The following PTPRD variants were observed in gnomAD, a reference collection of about 807,000 sequenced individuals.
PTPRD encodes receptor-type tyrosine-protein phosphatase delta.
In PTPRD, 34 loss-of-function variants were observed where a neutral mutation model predicts 214.5. That is an observed-to-expected ratio of 0.16 (90% CI 0.12 to 0.21). The LOEUF (loss-of-function observed/expected upper bound fraction) is 0.21, where lower values mean the gene tolerates loss of function less well. PTPRD is among the 10% of genes least tolerant of loss of function. PTPRD has a pLI of 1.00. For missense variants in PTPRD, 2,545 were observed against 2,398.7 expected, an observed-to-expected ratio of 1.06 and a Z score of -1.27; for synonymous variants, 1,128 against 845.7, an observed-to-expected ratio of 1.33 and a Z score of -5.79.
chr9:10,605,362 G>A (rs1428876285), intron 2 of PTPRD, among the ~76,000 whole-genome samples: 1 of 151,908 alleles, frequency 6.6e-6, no homozygotes, highest in African/African-American at 2.4e-5. Flanking sequence ...ACTGTAAACT[G>A]CTGCAGTGGT....
chr9:9,701,444 G>T (rs2097500360), intron 7 of PTPRD, among the ~76,000 whole-genome samples: 1 of 152,186 alleles, frequency 6.6e-6, no homozygotes, highest in South Asian at 2.1e-4. Context: ...GAGATTGTAG[G>T]TAACTCCCAG....
chr9:9,001,825 C>T (rs2099420057), intron 11 of PTPRD, among the ~76,000 whole-genome samples: 1 of 151,960 alleles, frequency 6.6e-6, no homozygotes. Flanking sequence ...CAGCTCATGC[C>T]ATCCTAAATA....
In PTPRD at chr9:8,863,678, T is replaced by A. The variant is rs552547435; in HGVS notation, c.-103-129732A>T. Among the ~76,000 whole-genome samples the A allele has an allele frequency of 9.8e-5, 15 of 152,290 alleles. No homozygotes were observed. The South Asian group carries it at 3.1e-3, about 32-fold the overall frequency. The stretch of plus-strand genomic sequence containing the variant: ...CTATCTTTACATTTTGCAGCATTTT[T>A]AAAAAATAAAACTATTGCTAACATA... On this transcript the variant is annotated intron_variant, in intron 11 of 45. Transcript: ENST00000381196.
At chr9:9,608,821 C>T (rs1370219367) in intron 7 of PTPRD, among the ~76,000 whole-genome samples, 4 of 152,122 alleles carry the variant, frequency 2.6e-5, no homozygotes, top group African/African-American at 4.8e-5. Flanking sequence ...ATTCCTTGGT[C>T]GATTATTCTG....
chr9:10,281,878 T>C (rs575392578), intron 3 of PTPRD, among the ~76,000 whole-genome samples: 3 of 152,160 alleles, frequency 2.0e-5, no homozygotes, highest in Non-Finnish European at 4.4e-5. Flanking sequence ...CTATTGCATT[T>C]ATCATGTAAT....
chr9:10,269,946 A>C (rs1429216865), intron 3 of PTPRD, among the ~76,000 whole-genome samples: 1 of 152,164 alleles, frequency 6.6e-6, no homozygotes, highest in Non-Finnish European at 1.5e-5. Flanking sequence ...GACAGAAATT[A>C]TAAGATTCAA....
At chr9:8,404,900 A>T (rs1357522620) in intron 35 of PTPRD, among the ~76,000 whole-genome samples, 1 of 152,154 alleles carries the variant, frequency 6.6e-6, no homozygotes, top group Non-Finnish European at 1.5e-5. Context: ...ATCAATACAG[A>T]TGTTCTGTTA....
In PTPRD at chr9:8,909,518, T is replaced by G. The variant is rs909337416; in HGVS notation, c.-104+109179A>C. Among the ~76,000 whole-genome samples the G allele has an allele frequency of 2.0e-5, 3 of 152,242 alleles. No homozygotes were observed. The South Asian group carries it at 6.2e-4, about 32-fold the overall frequency. On this transcript the variant is annotated intron_variant, in intron 11 of 45. Coordinates refer to ENST00000381196, the MANE Select transcript of PTPRD (RefSeq NM_002839.4). ...AAAGCCATATGATCATTTCAATAAG[T>G]ATGAAAGAAGTTTTGACAAATCAAA...
intron 2 of PTPRD, among the ~76,000 whole-genome samples, chr9:10,413,333 A>C (rs1268294992): frequency 6.6e-6 from 1 of 151,898 alleles, no homozygotes; most frequent in Non-Finnish European, 1.5e-5. Context: ...GTTGAAAGTC[A>C]AATCCGGAAT....
intron 3 of PTPRD, among the ~76,000 whole-genome samples, chr9:10,038,033 C>G (rs2097220071): frequency 6.6e-6 from 1 of 152,078 alleles, no homozygotes; most frequent in South Asian, 2.1e-4. Flanking sequence ...GCCAATGACC[C>G]TCATATTTAT....
intron 3 of PTPRD, among the ~76,000 whole-genome samples, chr9:10,172,725 A>G (rs2099217876): frequency 6.6e-6 from 1 of 152,222 alleles, no homozygotes; most frequent in African/African-American, 2.4e-5. Context: ...ACAGAGAGCA[A>G]TTGTGTTTTG....
intron 3 of PTPRD, among the ~76,000 whole-genome samples, chr9:10,109,176 A>G (rs190398423): frequency 8.4e-4 from 128 of 152,296 alleles, no homozygotes; most frequent in African/African-American, 3.0e-3. Context: ...GGTTTTCTAC[A>G]AGCAAGTTCT....
chr9:10,134,521 T>C (rs1241365091), intron 3 of PTPRD, among the ~76,000 whole-genome samples: 1 of 152,168 alleles, frequency 6.6e-6, no homozygotes, highest in Non-Finnish European at 1.5e-5. Context: ...AGTTGCAGCC[T>C]GATTTACACC....
chr9:9,953,325 A>G (rs111991422), intron 4 of PTPRD, among the ~76,000 whole-genome samples: 95 of 152,294 alleles, frequency 6.2e-4, no homozygotes, highest in Middle Eastern at 3.4e-3. Context: ...TCACCTGAGC[A>G]AAAGGGATAA....
At chr9:10,570,027 A>C (rs1420514319) in intron 2 of PTPRD, among the ~76,000 whole-genome samples, 1 of 152,106 alleles carries the variant, frequency 6.6e-6, no homozygotes, top group Non-Finnish European at 1.5e-5. Context: ...TCATTTTCGT[A>C]TAAAACTATG....
intron 11 of PTPRD, among the ~76,000 whole-genome samples, chr9:8,782,051 TGTTTTAC>T (rs1181454221): frequency 6.8e-6 from 1 of 148,018 alleles, no homozygotes; most frequent in African/African-American, 2.6e-5. Flanking sequence ...GTATACATAA[TGTTTTAC>T]GTTTATGGTA....
At chr9:8,663,783 G>A (rs974028309) in intron 12 of PTPRD, among the ~76,000 whole-genome samples, 1 of 151,780 alleles carries the variant, frequency 6.6e-6, no homozygotes, top group African/African-American at 2.4e-5. Context: ...GAGCCACTGT[G>A]CCCAGCCTTT....
rs1373673177 is a variant in PTPRD at position 8,523,540 on chromosome 9, G to C, written c.680-16C>G. On this transcript the variant is annotated splice_polypyrimidine_tract_variant and intron_variant, in intron 18 of 45. Transcript: ENST00000381196. ...TCTCGCAGCTCTGAGGGATGTAGGGGGTTTGATGCAGAACACAATGAAATG... is the reference window on the plus strand; with the variant it reads ...TCTCGCAGCTCTGAGGGATGTAGGGCGTTTGATGCAGAACACAATGAAATG... 4 of 1,612,554 alleles carry C rather than the reference G, an allele frequency of 2.5e-6. No homozygotes were observed. Among genetic ancestry groups the C allele is most frequent in the Non-Finnish European group, 3.4e-6 (4 of 1,179,180 alleles).
At chr9:8,678,075 A>C (rs1055992359) in intron 12 of PTPRD, among the ~76,000 whole-genome samples, 1 of 152,172 alleles carries the variant, frequency 6.6e-6, no homozygotes, top group African/African-American at 2.4e-5. Flanking sequence ...GTGAAAATAA[A>C]ACACAGGCAA....
Sources: gnomAD v4.1 joint callset for allele counts (sites outside exome capture counted in the v4.1 genomes callset) on GRCh38, gnomAD v4.1.1 for gene constraint, MANE v1.5 for transcripts, NCBI Gene and HGNC (gene_info 2026-07-23, HGNC 2026-07-21) for gene names.